The following SCFD2 variants were observed in gnomAD, a reference collection of about 807,000 sequenced individuals.
SCFD2 encodes the protein sec1 family domain containing 2.
In SCFD2, 54 loss-of-function variants were observed where a neutral mutation model predicts 58.9. That is an observed-to-expected ratio of 0.92 (90% CI 0.74 to 1.15). SCFD2 has a LOEUF of 1.15. Ranked by LOEUF, SCFD2 falls within the 50% of genes most tolerant of loss-of-function variation. SCFD2 has a pLI of 0.00. For missense variants in SCFD2, 805 were observed against 836.6 expected (o/e 0.96, Z 0.47); for synonymous variants, 321 against 335.9 (o/e 0.96, Z 0.49).
chr4:53,121,571 T>A (rs1338955038), intron 5 of SCFD2, among the ~76,000 whole-genome samples: 1 of 152,206 alleles, frequency 6.6e-6, no homozygotes, highest in Non-Finnish European at 1.5e-5. Flanking sequence ...ATTGGGAACA[T>A]GCTGTTATGG....
intron 5 of SCFD2, among the ~76,000 whole-genome samples, chr4:52,973,904 C>G (rs958042237): frequency 6.6e-6 from 1 of 152,114 alleles, no homozygotes; most frequent in African/African-American, 2.4e-5. Flanking sequence ...ATAAACAGAA[C>G]CAAGAACAAA....
At chr4:52,968,315 G>A (rs187012230) in intron 5 of SCFD2, among the ~76,000 whole-genome samples, 212 of 152,332 alleles carry the variant, frequency 1.4e-3, no homozygotes, top group African/African-American at 4.9e-3. Flanking sequence ...TTACTAAAAG[G>A]CACAAAGTCA....
In SCFD2 at chr4:53,079,439, T is replaced by A. The variant is rs181685083; in HGVS notation, c.1561+65894A>T. Among the ~76,000 whole-genome samples, 12 of 152,270 alleles carry A rather than the reference T, an allele frequency of 7.9e-5. No homozygotes were observed. In the East Asian group the frequency reaches 2.1e-3, roughly 27 times the overall value. On this transcript the variant is annotated intron_variant, in intron 5 of 8. Coordinates refer to ENST00000401642, the MANE Select transcript of SCFD2 (RefSeq NM_152540.4). ...GCTCTCTGGGCATACCTTAGCCAAG[T>A]CAAGCTGACACATAACAATCATCAC...
At chr4:53,147,872 T>C (rs1726381322) in intron 4 of SCFD2, among the ~76,000 whole-genome samples, 1 of 152,356 alleles carries the variant, frequency 6.6e-6, no homozygotes, top group East Asian at 1.9e-4. Flanking sequence ...CTGGGCCACA[T>C]GCAGCCCATG....
At chr4:53,274,812 C>G (rs1455736106) in intron 3 of SCFD2, among the ~76,000 whole-genome samples, 1 of 152,194 alleles carries the variant, frequency 6.6e-6, no homozygotes, top group Non-Finnish European at 1.5e-5. Context: ...TTCCTCCATG[C>G]TATGCGCAAA....
intron 5 of SCFD2, among the ~76,000 whole-genome samples, chr4:53,142,293 T>G (rs1391729306): frequency 2.6e-5 from 4 of 152,246 alleles, no homozygotes; most frequent in African/African-American, 9.6e-5. Flanking sequence ...AAATGTGTCT[T>G]TTAAGATTAT....
chr4:52,952,044 G>A (rs1720606643), intron 5 of SCFD2, among the ~76,000 whole-genome samples: 1 of 152,170 alleles, frequency 6.6e-6, no homozygotes, highest in African/African-American at 2.4e-5. Context: ...GCAGGCCACA[G>A]AGTGATATCT....
chr4:52,987,341 C>T (rs1197967842), intron 5 of SCFD2, among the ~76,000 whole-genome samples: 2 of 152,202 alleles, frequency 1.3e-5, no homozygotes, highest in Non-Finnish European at 2.9e-5. Flanking sequence ...AATAAATGAC[C>T]TATGTGTCAC....
At chr4:53,213,580 T>A (rs1728696147) in intron 4 of SCFD2, among the ~76,000 whole-genome samples, 2 of 152,126 alleles carry the variant, frequency 1.3e-5, no homozygotes. Context: ...AAATACAGGA[T>A]ATAAAAGTAT....
intron 8 of SCFD2, among the ~76,000 whole-genome samples, chr4:52,884,725 C>T (rs1718695473): frequency 6.6e-6 from 1 of 152,186 alleles, no homozygotes; most frequent in Non-Finnish European, 1.5e-5. Flanking sequence ...CATCCCCAGT[C>T]ACAGGAGAAC....
intron 6 of SCFD2, among the ~76,000 whole-genome samples, chr4:52,912,134 C>T (rs1355701059): frequency 6.6e-6 from 1 of 151,628 alleles, no homozygotes; most frequent in Non-Finnish European, 1.5e-5. Context: ...AGTCTACAAA[C>T]AAAACAAAAC....
chr4:53,105,867 C>A (rs1298662779), intron 5 of SCFD2, among the ~76,000 whole-genome samples: 1 of 151,978 alleles, frequency 6.6e-6, no homozygotes, highest in East Asian at 1.9e-4. Flanking sequence ...TCAATTGGGT[C>A]CCTGACCCCC....
chr4:53,228,852 G>A (rs1209594097), intron 4 of SCFD2, among the ~76,000 whole-genome samples: 2 of 152,206 alleles, frequency 1.3e-5, no homozygotes. Flanking sequence ...CAGATGACAT[G>A]ATTGTATATC....
intron 3 of SCFD2, among the ~76,000 whole-genome samples, chr4:53,293,871 C>T (rs1577938523): frequency 2.0e-5 from 3 of 152,050 alleles, no homozygotes; most frequent in Admixed American, 2.0e-4. Context: ...CTAATGCTAT[C>T]CCTCCCCCAG....
chr4:52,970,770 T>G lies in SCFD2; in HGVS notation c.1562-49900A>C, dbSNP rs575948135. Among the ~76,000 whole-genome samples, 186 of 152,222 alleles carry G rather than the reference T, an allele frequency of 1.2e-3. 1 individual carries two copies. The highest frequency in any genetic ancestry group is 4.3e-3 in the African/African-American group (179 of 41,532). ...AGCCTAACTGGGAGGCATCCCCCAG[T>G]AGGGGCAGACTGACACCTCACACGG... On this transcript the variant is annotated intron_variant, in intron 5 of 8. Coordinates refer to ENST00000401642, the MANE Select transcript of SCFD2 (RefSeq NM_152540.4).
At chr4:53,045,867 ATT>A (rs1242502290) in intron 5 of SCFD2, among the ~76,000 whole-genome samples, 1 of 152,196 alleles carries the variant, frequency 6.6e-6, no homozygotes, top group Admixed American at 6.5e-5. Context: ...TCATACGCTA[ATT>A]ATCTCATAGT....
intron 3 of SCFD2, among the ~76,000 whole-genome samples, chr4:53,284,140 T>A (rs1026569319): frequency 4.7e-5 from 7 of 148,062 alleles, no homozygotes; most frequent in Non-Finnish European, 8.9e-5. Context: ...AAAAAATGCA[T>A]GTAATGAAGC....
chr4:53,083,829 A>T (rs1724221779), intron 5 of SCFD2, among the ~76,000 whole-genome samples: 1 of 152,188 alleles, frequency 6.6e-6, no homozygotes, highest in South Asian at 2.1e-4. Context: ...AACAGAGAGT[A>T]GGTATAAAGA....
chr4:53,224,660 T>C (rs76148127), intron 4 of SCFD2, among the ~76,000 whole-genome samples: 5 of 152,306 alleles, frequency 3.3e-5, no homozygotes, highest in African/African-American at 4.8e-5. Flanking sequence ...ATTGCTCAGC[T>C]CAGCTCTGCC....
Sources: gnomAD v4.1 joint callset for allele counts (sites outside exome capture counted in the v4.1 genomes callset) on GRCh38, gnomAD v4.1.1 for gene constraint, MANE v1.5 for transcripts, NCBI Gene and HGNC (gene_info 2026-07-23, HGNC 2026-07-21) for gene names.